LGSN: variants seen among roughly 807,000 people sequenced by gnomAD.
LGSN encodes lengsin, lens protein with glutamine synthetase domain, also known as lengsin.
LGSN carries 21 observed loss-of-function variants against 19.5 expected under a neutral mutation model. That is an observed-to-expected ratio of 1.07 (90% confidence interval 0.76 to 1.55). The LOEUF is 1.55. Ranked by LOEUF, LGSN falls within the 40% of genes most tolerant of loss-of-function variation. LGSN has a pLI of 0.00. For missense variants in LGSN, 673 were observed against 608.5 expected (o/e 1.11, Z -1.12); for synonymous variants, 257 against 215.6 (o/e 1.19, Z -1.68).
chr6:63,359,333 A>T, the LGSN span, among the ~76,000 whole-genome samples: 1 of 152,122 alleles, frequency 6.6e-6, no homozygotes, highest in African/African-American at 2.4e-5. Context: ...GGTATCAGGA[A>T]GATGCTGGCC....
chr6:63,447,590 T>C, the LGSN span, among the ~76,000 whole-genome samples: 1 of 152,222 alleles, frequency 6.6e-6, no homozygotes, highest in African/African-American at 2.4e-5. Flanking sequence ...ATCTTTATAG[T>C]GTTCTTAAAT....
the LGSN span, among the ~76,000 whole-genome samples, chr6:63,427,106 C>T: frequency 5.3e-4 from 79 of 149,898 alleles, no homozygotes; most frequent in Admixed American, 8.7e-4. Flanking sequence ...AGTACAATGG[C>T]GCAATCTCGG....
At chr6:63,394,962 T>A in the LGSN span, 1 of 154,960 alleles carries the variant, frequency 6.5e-6, no homozygotes, top group South Asian at 1.8e-4. Flanking sequence ...CCTTCTTCCC[T>A]CTGTGTGCAC....
At chr6:63,367,611 A>G in the LGSN span, among the ~76,000 whole-genome samples, 1 of 146,658 alleles carries the variant, frequency 6.8e-6, no homozygotes, top group Non-Finnish European at 1.5e-5. Flanking sequence ...AAAGGATTAT[A>G]AATCATGCTG....
chr6:63,505,640 T>C, the LGSN span, among the ~76,000 whole-genome samples: 1 of 68,738 alleles, frequency 1.5e-5, no homozygotes, highest in East Asian at 3.9e-4. Flanking sequence ...AAAGAAATTC[T>C]GGCATTCTTT....
the LGSN span, among the ~76,000 whole-genome samples, chr6:63,402,118 A>G: frequency 6.6e-6 from 1 of 152,218 alleles, no homozygotes; most frequent in African/African-American, 2.4e-5. Context: ...GTTTGATGAC[A>G]GTGGATTTTT....
chr6:63,522,988 C>T, the LGSN span, among the ~76,000 whole-genome samples: 2 of 151,786 alleles, frequency 1.3e-5, no homozygotes, highest in African/African-American at 2.4e-5. Flanking sequence ...CCACAGCCTC[C>T]GGAGTAGCTG....
At chr6:63,479,738 T>TCAGA in the LGSN span, among the ~76,000 whole-genome samples, 2 of 150,986 alleles carry the variant, frequency 1.3e-5, no homozygotes, top group Non-Finnish European at 3.0e-5. Flanking sequence ...AGACTCCGTC[T>TCAGA]CAAACAAACA....
chr6:63,551,022 G>GT, the LGSN span, among the ~76,000 whole-genome samples: 28 of 151,782 alleles, frequency 1.8e-4, no homozygotes, highest in African/African-American at 6.0e-4. Context: ...ATGTTGATAG[G>GT]TTTTTTTTAT....
the LGSN span, among the ~76,000 whole-genome samples, chr6:63,377,259 A>G: frequency 1.3e-5 from 2 of 152,194 alleles, no homozygotes; most frequent in African/African-American, 4.8e-5. Flanking sequence ...GAATTATGGC[A>G]AGCCAATAGG....
At chr6:63,448,705 G>C in the LGSN span, among the ~76,000 whole-genome samples, 20 of 138,594 alleles carry the variant, frequency 1.4e-4, no homozygotes, top group African/African-American at 5.4e-4. Context: ...TATTCTTTTT[G>C]TTTCTTTTTT....
the LGSN span, among the ~76,000 whole-genome samples, chr6:63,327,539 G>A: frequency 6.6e-5 from 10 of 152,124 alleles, no homozygotes; most frequent in East Asian, 1.9e-4. Context: ...TCTAGGCCTC[G>A]GCAGTATTGG....
At chr6:63,462,516 A>T in the LGSN span, among the ~76,000 whole-genome samples, 1 of 152,248 alleles carries the variant, frequency 6.6e-6, no homozygotes, top group African/African-American at 2.4e-5. Context: ...GCATGCCTGT[A>T]GTCCCAGCTA....
At chr6:63,459,810 A>G in the LGSN span, among the ~76,000 whole-genome samples, 1 of 152,164 alleles carries the variant, frequency 6.6e-6, no homozygotes, top group Admixed American at 6.6e-5. Flanking sequence ...GCTACTCAGG[A>G]GGCTGAGGAA....
chr6:63,441,731 G>A, the LGSN span: 42 of 407,746 alleles, frequency 1.0e-4, no homozygotes, highest in African/African-American at 7.4e-4. Context: ...AACAAATTAG[G>A]CCCCCAAATC....
At chr6:63,484,592 G>T in the LGSN span, among the ~76,000 whole-genome samples, 1 of 148,094 alleles carries the variant, frequency 6.8e-6, no homozygotes, top group Non-Finnish European at 1.5e-5. Context: ...TTTAAGTAAA[G>T]ATGTAGCAGA....
the LGSN span, among the ~76,000 whole-genome samples, chr6:63,520,751 C>T: frequency 6.6e-6 from 1 of 151,952 alleles, no homozygotes; most frequent in Non-Finnish European, 1.5e-5. Flanking sequence ...TTTATTATTT[C>T]CTTGTCAATA....
the LGSN span, among the ~76,000 whole-genome samples, chr6:63,349,434 T>C: frequency 6.6e-6 from 1 of 152,192 alleles, no homozygotes; most frequent in Non-Finnish European, 1.5e-5. Context: ...CAATCAAACA[T>C]TAATCTAGGT....
chr6:63,406,670 C>T, the LGSN span, among the ~76,000 whole-genome samples: 1 of 151,888 alleles, frequency 6.6e-6, no homozygotes, highest in Non-Finnish European at 1.5e-5. Flanking sequence ...CAAAAAATAA[C>T]TAAAATCAGA....
Sources: gnomAD v4.1 joint callset for allele counts (sites outside exome capture counted in the v4.1 genomes callset) on GRCh38, gnomAD v4.1.1 for gene constraint, MANE v1.5 for transcripts, NCBI Gene and HGNC (gene_info 2026-07-23, HGNC 2026-07-21) for gene names.